LRRC7: variants seen among roughly 807,000 people sequenced by gnomAD.
LRRC7 encodes the protein leucine-rich repeat-containing protein 7.
In LRRC7, 23 loss-of-function variants were observed where a neutral mutation model predicts 175.7. The ratio of observed to expected loss-of-function variants is 0.13; its 90% CI spans 0.09 to 0.19. LRRC7 has a LOEUF of 0.19. Among genes scored for constraint, LRRC7 ranks in the 10% least tolerant of loss-of-function variants. The pLI, the probability that LRRC7 is intolerant of heterozygous loss-of-function variation, is 1.00. For missense variants in LRRC7, 1,354 were observed against 1,904.7 expected, an observed-to-expected ratio of 0.71 and a Z score of 5.38; for synonymous variants, 685 against 680.9, an observed-to-expected ratio of 1.01 and a Z score of -0.09.
At chr1:69,789,697 T>C (rs1467502671) in intron 3 of LRRC7, among the ~76,000 whole-genome samples, 1 of 152,064 alleles carries the variant, frequency 6.6e-6, no homozygotes, top group Non-Finnish European at 1.5e-5. Flanking sequence ...TATGCAGAAT[T>C]TCAAAAATAT....
rs2101655592 is a variant in LRRC7 at position 69,896,296 on chromosome 1, C to T, written c.648-35211C>T. ...CTTAAATATTTTTCTTTTGTCTATG[C>T]TGGAAACATTCAAATTATTCTTTTC... is the stretch of plus-strand genomic sequence containing the variant. On this transcript the variant is annotated intron_variant, in intron 7 of 26. Coordinates refer to ENST00000651989, the MANE Select transcript of LRRC7 (RefSeq NM_001370785.2). Among the ~76,000 whole-genome samples, 2 of 152,056 alleles carry T rather than the reference C, an allele frequency of 1.3e-5. 1 individual carries two copies. The highest frequency in any genetic ancestry group is 1.3e-4 in the Admixed American group (2 of 15,284).
intron 7 of LRRC7, among the ~76,000 whole-genome samples, chr1:69,895,101 G>A (rs941698231): frequency 2.0e-5 from 3 of 152,048 alleles, no homozygotes; most frequent in Non-Finnish European, 4.4e-5. Flanking sequence ...GCGTGGTGGT[G>A]CTTGCCTGTA....
At chr1:69,836,775 C>G (rs1201201099) in intron 6 of LRRC7, among the ~76,000 whole-genome samples, 1 of 151,668 alleles carries the variant, frequency 6.6e-6, no homozygotes, top group East Asian at 1.9e-4. Flanking sequence ...TAAGAAATCT[C>G]CTTTACTAGC....
At chr1:69,635,569 A>G (rs1243402534) in intron 1 of LRRC7, among the ~76,000 whole-genome samples, 1 of 152,124 alleles carries the variant, frequency 6.6e-6, no homozygotes, top group Non-Finnish European at 1.5e-5. Context: ...TTGTTTATCC[A>G]TCTAAAATGC....
At chr1:69,678,820 T>C (rs905759886) in intron 2 of LRRC7, among the ~76,000 whole-genome samples, 2 of 152,172 alleles carry the variant, frequency 1.3e-5, no homozygotes, top group Non-Finnish European at 2.9e-5. Flanking sequence ...AAGAAACTTT[T>C]GAAATGTATC....
In LRRC7 at chr1:70,107,753, G is replaced by A; in HGVS notation, c.4547G>A (p.Gly1516Asp). The A allele has an allele frequency of 6.2e-7, 1 of 1,612,302 alleles. No individual in the cohort carries two copies. Among genetic ancestry groups the A allele is most frequent in the Admixed American group, 1.7e-5 (1 of 59,970 alleles). Residue 1516 changes from glycine to aspartate, a missense_variant and splice_region_variant, in exon 26 of 27, where the codon GGT becomes GAT. By Grantham distance (94) the Gly-to-Asp change is moderately conservative (BLOSUM62 -1). This residue lies in a region of LRRC7 where 53 missense variants were observed against 112.6 expected (regional missense o/e 0.47). Coordinates refer to ENST00000651989, the MANE Select transcript of LRRC7 (RefSeq NM_001370785.2). ...ACCTCTGTTACTTCTGACTTATAGG[G>A]TATCTTTGTTACTAGGGTTCAGCCT... The part of the protein sequence containing the change: ...QGNPFKPSDK[G>D]IFVTRVQPDG...
intron 1 of LRRC7, among the ~76,000 whole-genome samples, chr1:69,650,650 C>A (rs1229963538): frequency 6.6e-6 from 1 of 151,502 alleles, no homozygotes; most frequent in Non-Finnish European, 1.5e-5. Flanking sequence ...TCTGTGAAGT[C>A]TTTGTCTGTG....
intron 1 of LRRC7, among the ~76,000 whole-genome samples, chr1:69,608,636 A>G (rs1648048071): frequency 6.6e-6 from 1 of 151,838 alleles, no homozygotes; most frequent in Non-Finnish European, 1.5e-5. Flanking sequence ...TTCTTTAACA[A>G]ATTCAGTTAT....
At chr1:69,829,580 A>G (rs956444284) in intron 5 of LRRC7, among the ~76,000 whole-genome samples, 1 of 150,194 alleles carries the variant, frequency 6.7e-6, no homozygotes, top group Non-Finnish European at 1.5e-5. Flanking sequence ...GTAACTGTGT[A>G]TTTGTACATA....
In LRRC7 at chr1:70,077,783, G is replaced by A. The variant is rs192785461; in HGVS notation, c.4452+1485G>A. ...AAGTTTTAAAGTTTACACATGTATT[G>A]AGTTTAGAACATTATGATTATTTCA... On this transcript the variant is annotated intron_variant, in intron 24 of 26. Transcript: ENST00000651989. Among the ~76,000 whole-genome samples, 62 of 152,266 alleles carry A rather than the reference G, an allele frequency of 4.1e-4. 2 individuals are homozygous for A. In the East Asian group the frequency reaches 7.5e-3, roughly 18 times the overall value.
At chr1:69,930,872 C>T (rs528108392) in intron 7 of LRRC7, among the ~76,000 whole-genome samples, 18 of 149,820 alleles carry the variant, frequency 1.2e-4, no homozygotes, top group African/African-American at 4.6e-4. Flanking sequence ...TTCATGAGAA[C>T]AGCATAGGAG....
intron 7 of LRRC7, among the ~76,000 whole-genome samples, chr1:69,928,823 C>G (rs1009916195): frequency 5.3e-5 from 8 of 152,178 alleles, no homozygotes; most frequent in Non-Finnish European, 8.8e-5. Context: ...ACTGTCCTGC[C>G]CCCACTGTCT....
intron 9 of LRRC7, among the ~76,000 whole-genome samples, chr1:69,980,775 AT>A (rs1653344382): frequency 6.6e-6 from 1 of 152,200 alleles, no homozygotes; most frequent in South Asian, 2.1e-4. Context: ...AATACCATAT[AT>A]AATACCAAGT....
chr1:69,799,366 A>G (rs1676192414), intron 4 of LRRC7, among the ~76,000 whole-genome samples: 1 of 151,904 alleles, frequency 6.6e-6, no homozygotes, highest in Non-Finnish European at 1.5e-5. Context: ...AACCGACCTT[A>G]CCACCCTTCT....
intron 1 of LRRC7, among the ~76,000 whole-genome samples, chr1:69,570,912 T>C (rs758240236): frequency 3.3e-5 from 5 of 152,186 alleles, no homozygotes; most frequent in African/African-American, 4.8e-5. Flanking sequence ...TATTTATTAA[T>C]TTAGTGGAGA....
At chr1:69,689,439 C>A (rs770503446) in intron 2 of LRRC7, among the ~76,000 whole-genome samples, 1 of 120,358 alleles carries the variant, frequency 8.3e-6, no homozygotes, top group Non-Finnish European at 1.7e-5. Flanking sequence ...TTCTGCTTAA[C>A]CCTTAAATTT....
rs1665571687 is a variant in LRRC7 at position 69,717,780 on chromosome 1, AAGAAAGAAAGAAAG to A, written c.100+39304_100+39317del. 1.2e-4 allele frequency among the ~76,000 whole-genome samples: 3 copies of A among 24,318 alleles called. 1 individual carries two copies. The highest frequency in any genetic ancestry group is 2.3e-4 in the Non-Finnish European group (3 of 12,902). 16.0% of individuals were successfully genotyped at this position (24,318 alleles called of 152,430 possible). The stretch of plus-strand genomic sequence containing the variant: ...CATGAAAAAAAGAAAAAAAGAAAGA[AAGAAAGAAAGAAAG>A]AAAGAAAGAAAGAAAGAAAGAAAGA... On this transcript the variant is annotated intron_variant, in intron 2 of 26. Transcript: ENST00000651989.
intron 18 of LRRC7, among the ~76,000 whole-genome samples, chr1:70,030,923 G>A (rs539523230): frequency 2.6e-5 from 4 of 152,140 alleles, no homozygotes; most frequent in Non-Finnish European, 5.9e-5. Flanking sequence ...GGAGGACAGG[G>A]AGATTTTCCT....
intron 1 of LRRC7, among the ~76,000 whole-genome samples, chr1:69,569,484 G>A (rs978116780): frequency 1.3e-5 from 2 of 151,966 alleles, no homozygotes; most frequent in East Asian, 3.9e-4. Flanking sequence ...GAAAGAGGGA[G>A]GGAAGCACAT....
Sources: gnomAD v4.1 joint callset for allele counts (sites outside exome capture counted in the v4.1 genomes callset) on GRCh38, gnomAD v4.1.1 for gene constraint, gnomAD v4.1.1 regional missense constraint, MANE v1.5 for transcripts, NCBI Gene and HGNC (gene_info 2026-07-23, HGNC 2026-07-21) for gene names.